The following DOCK7 variants were observed in gnomAD, a reference collection of about 807,000 sequenced individuals.
DOCK7 encodes the protein dedicator of cytokinesis 7.
DOCK7 carries 138 observed loss-of-function variants against 271.0 expected under a neutral mutation model. The ratio of observed to expected loss-of-function variants is 0.51; its 90% CI spans 0.44 to 0.59. The LOEUF (loss-of-function observed/expected upper bound fraction) is 0.59, where lower values mean the gene tolerates loss of function less well. DOCK7 is among the 20% of genes least tolerant of loss of function. The probability of loss-of-function intolerance (pLI) is 0.00; values close to 1 mark genes in which losing one functional copy is unlikely to be tolerated. For synonymous variants in DOCK7, 823 were observed against 876.1 expected (o/e 0.94, Z 1.07); for missense variants, 2,066 against 2,592.4 (o/e 0.80, Z 4.41).
Position 62,552,897 on chromosome 1 carries a change from A to G in DOCK7, c.2601T>C (p.Pro867=), listed in dbSNP as rs762234342. The G allele has an allele frequency of 9.4e-6, 15 of 1,602,546 alleles. No individual in the cohort carries two copies. Among genetic ancestry groups the G allele is most frequent in the Non-Finnish European group, 1.3e-5 (15 of 1,173,932 alleles). ...AATGCACTGATCCTCCCAAACCCCC[A>G]GGACCTAGAGTTGTATATGAAATAG... ...NTYPNSSSPG[P]GGLGGSVHYA... Residue 867 remains proline (P), a synonymous_variant, in exon 22 of 50, where the codon CCT becomes CCC. Transcript: ENST00000635253.
chr1:62,538,711 C>T (rs1431042915), intron 27 of DOCK7, among the ~76,000 whole-genome samples: 1 of 152,132 alleles, frequency 6.6e-6, no homozygotes, highest in Non-Finnish European at 1.5e-5. Flanking sequence ...ATAAAGGCAT[C>T]CAATAGAATA....
intron 48 of DOCK7, 29 bp from the exon 49 acceptor site, chr1:62,457,734 T>C (rs776595620): frequency 3.1e-6 from 5 of 1,604,408 alleles, no homozygotes; most frequent in Non-Finnish European, 4.3e-6. Context: ...TATCAAGATA[T>C]TACTTCTGGC....
Position 62,552,791 on chromosome 1 carries a change from C to T in DOCK7, c.2707G>A (p.Asp903Asn), listed in dbSNP as rs759007079. The T allele has an allele frequency of 1.9e-6, 3 of 1,613,820 alleles. No homozygotes were observed. Among genetic ancestry groups the T allele is most frequent in the Admixed American group, 1.7e-5 (1 of 59,972 alleles). Residue 903 changes from aspartate to asparagine, a missense_variant, in exon 22 of 50, where the codon GAT (aspartate) becomes AAT (asparagine). Asp to Asn is a conservative substitution (Grantham distance 23). This residue lies in a region of DOCK7 where 1,414 missense variants were observed against 1,670.4 expected (regional missense o/e 0.85). Transcript: ENST00000635253. ...RSRSLSNSNP[D>N]ISGTPTSPDD... is the part of the protein sequence containing the mutation. ...GGTGACGTGGGAGTCCCAGATATATCTGGATTGCTATTACTAAGGCTTCGA... is the reference window on the plus strand; with the variant it reads ...GGTGACGTGGGAGTCCCAGATATATTTGGATTGCTATTACTAAGGCTTCGA...
At chr1:62,634,709 TA>T in intron 9 of DOCK7, 63 bp downstream of exon 9, 1 of 1,493,060 alleles carries the variant, frequency 6.7e-7, no homozygotes, top group Non-Finnish European at 9.1e-7. Flanking sequence ...GAAAAGTTTA[TA>T]ATACTGACAG....
rs1023593251 is a variant in DOCK7, at chr1:62,475,914, T to C, written c.5754A>G (p.Pro1918=). 1 of 1,614,004 alleles carries C rather than the reference T, an allele frequency of 6.2e-7. No homozygotes were observed. The highest frequency in any genetic ancestry group is 8.5e-7 in the Non-Finnish European group (1 of 1,179,914). ...KAYIQITYVE[P]YFDTYEMKDR... is the part of the protein sequence containing the mutation. ...CCTTCATCTCATATGTGTCAAAGTATGGCTCCACATAGGTAATCTGAATAT... is the reference window on the plus strand; with the variant it reads ...CCTTCATCTCATATGTGTCAAAGTACGGCTCCACATAGGTAATCTGAATAT... Residue 1918 remains proline (P), a synonymous_variant, in exon 46 of 50, where the codon CCA becomes CCG. Coordinates refer to ENST00000635253, the MANE Select transcript of DOCK7 (RefSeq NM_001367561.1).
rs943295099 is a variant in DOCK7, at chr1:62,602,686, T to C, written c.1682+16020A>G. Among the ~76,000 whole-genome samples, 18 of 151,712 alleles carry C rather than the reference T, an allele frequency of 1.2e-4. 1 individual carries two copies. The highest frequency in any genetic ancestry group is 6.6e-4 in the Admixed American group (10 of 15,224). ...ACAATTTTGATTAAATGTTATGTCA[T>C]AAGTAGTAACTGTTACAAATAAGCT... On this transcript the variant is annotated intron_variant, in intron 14 of 49. Coordinates refer to ENST00000635253, the MANE Select transcript of DOCK7 (RefSeq NM_001367561.1).
At position 62,625,392 on chromosome 1, in the gene DOCK7, C is replaced by G. The variant is rs201785444; in HGVS notation, c.1292G>C (p.Gly431Ala). 230 of 1,589,528 alleles carry G rather than the reference C, an allele frequency of 1.4e-4. No homozygotes were observed. Among genetic ancestry groups the G allele is most frequent in the Admixed American group, 4.4e-4 (24 of 54,426 alleles). ...AGAATTCCTCCTCTCTGACCAAGACCCTTTTCGTTCTACAAAAGAATTAAA... is the reference window on the plus strand; with the variant it reads ...AGAATTCCTCCTCTCTGACCAAGACGCTTTTCGTTCTACAAAAGAATTAAA... ...EVEISTGERK[G>A]SWSERRNSSI... Residue 431 changes from glycine to alanine, a missense_variant, in exon 12 of 50, where the codon GGG becomes GCG. This residue lies in a region of DOCK7 where 1,414 missense variants were observed against 1,670.4 expected (regional missense o/e 0.85). Transcript: ENST00000635253.
intron 1 of DOCK7, among the ~76,000 whole-genome samples, chr1:62,671,904 G>A (rs1463611772): frequency 6.7e-6 from 1 of 150,344 alleles, no homozygotes; most frequent in Non-Finnish European, 1.5e-5. Context: ...TTACTTTCAA[G>A]CCCTACTATT....
At chr1:62,634,730 C>T in intron 9 of DOCK7, 43 bp downstream of exon 9, 1 of 1,566,898 alleles carries the variant, frequency 6.4e-7, no homozygotes, top group Non-Finnish European at 8.7e-7. Flanking sequence ...GACAAGTATA[C>T]AGACACTACA....
chr1:62,557,273 C>T (rs1646175836), intron 20 of DOCK7, among the ~76,000 whole-genome samples: 1 of 151,392 alleles, frequency 6.6e-6, no homozygotes, highest in African/African-American at 2.4e-5. Flanking sequence ...GGAAGTAGTG[C>T]CCTCTCCTAT....
chr1:62,539,576 A>G lies in DOCK7; in HGVS notation c.3269T>C (p.Val1090Ala), dbSNP rs2149393224. The G allele has an allele frequency of 6.2e-7, 1 of 1,613,296 alleles. No individual in the cohort carries two copies. The highest frequency in any genetic ancestry group is 8.5e-7 in the Non-Finnish European group (1 of 1,179,796). The stretch of plus-strand genomic sequence containing the variant: ...ATAGCAGGACTTTATAAGGCTAAAA[A>G]CAAATCCTCTGTCCATAACAGACAA... ...DLLSVMDRGF[V>A]FSLIKSCYKQ... Residue 1090 changes from valine (V) to alanine (A), a missense_variant, in exon 27 of 50, where the codon GTT becomes GCT. Transcript: ENST00000635253.
chr1:62,473,602 C>G (rs1645892012), intron 48 of DOCK7, among the ~76,000 whole-genome samples: 1 of 151,978 alleles, frequency 6.6e-6, no homozygotes, highest in African/African-American at 2.4e-5. Flanking sequence ...CTCTCTCTTT[C>G]TGACACAGGC....
intron 10 of DOCK7, among the ~76,000 whole-genome samples, chr1:62,632,345 G>T (rs1169932927): frequency 6.6e-6 from 1 of 152,148 alleles, no homozygotes; most frequent in Admixed American, 6.5e-5. Context: ...ATGTAACAGA[G>T]CAAATTTAAT....
At chr1:62,661,852 G>A (rs932802188) in intron 2 of DOCK7, among the ~76,000 whole-genome samples, 1 of 152,086 alleles carries the variant, frequency 6.6e-6, no homozygotes, top group Non-Finnish European at 1.5e-5. Context: ...AGTAGTTAAG[G>A]TGTAATTCAG....
chr1:62,553,032 C>CATTT, intron 21 of DOCK7, 131 bp from the exon 22 acceptor site: 4 of 166,008 alleles, frequency 2.4e-5, no homozygotes, highest in Non-Finnish European at 2.7e-5. Context: ...AAAAAATATA[C>CATTT]TTTTTTTTTT....
At position 62,663,138 on chromosome 1, in the gene DOCK7, G is replaced by T; in HGVS notation, c.39-8C>A. 2 of 1,551,866 alleles carry T rather than the reference G, an allele frequency of 1.3e-6. No individual in the cohort carries two copies. The highest frequency in any genetic ancestry group is 1.7e-6 in the Non-Finnish European group (2 of 1,144,434). On this transcript the variant is annotated splice_region_variant and splice_polypyrimidine_tract_variant and intron_variant, in intron 1 of 49. Transcript: ENST00000635253. Reference sequence around the variant, plus strand: ...ACTTCGGCTGCCACCGTTCTACAATGAAGAAAGCAAAAACATACGCATTAT... The same window carrying T: ...ACTTCGGCTGCCACCGTTCTACAATTAAGAAAGCAAAAACATACGCATTAT...
chr1:62,595,003 A>G (rs139313784), intron 14 of DOCK7, among the ~76,000 whole-genome samples: 135 of 152,330 alleles, frequency 8.9e-4, no homozygotes, highest in African/African-American at 3.1e-3. Flanking sequence ...TTTCTTCTCT[A>G]GCTCAACATA....
chr1:62,553,907 C>G lies in DOCK7; in HGVS notation c.2597-1006G>C, dbSNP rs144111119. Among the ~76,000 whole-genome samples the G allele has an allele frequency of 1.8e-3, 266 of 151,584 alleles. 2 individuals carry two copies. Among genetic ancestry groups the G allele is most frequent in the African/African-American group, 5.8e-3 (242 of 41,442 alleles). ...TTTCACTTCGGTATAGTTGGTATTT[C>G]GGACCCAAGATGCTCCAGCTGGTGT... On this transcript the variant is annotated intron_variant, in intron 21 of 49. Coordinates refer to ENST00000635253, the MANE Select transcript of DOCK7 (RefSeq NM_001367561.1).
At chr1:62,500,016 A>G (rs540026797) in intron 37 of DOCK7, among the ~76,000 whole-genome samples, 2 of 152,286 alleles carry the variant, frequency 1.3e-5, no homozygotes, top group East Asian at 3.9e-4. Flanking sequence ...GTTAGGCAAG[A>G]TGTGCCTGCA....
Sources: allele counts gnomAD v4.1 joint callset (sites outside exome capture counted in the v4.1 genomes callset), GRCh38; gene constraint gnomAD v4.1.1; regional missense constraint gnomAD v4.1.1; transcripts MANE v1.5; gene names NCBI Gene and HGNC (gene_info 2026-07-23, HGNC 2026-07-21).